EYS: variants seen among roughly 807,000 people sequenced by gnomAD.
EYS encodes the protein protein eyes shut homolog.
Under a neutral mutation model 282.1 loss-of-function variants are expected in EYS, and 250 were observed. The observed-to-expected ratio is 0.89, with a 90% CI of 0.80 to 0.98. The LOEUF is 0.98. Among genes scored for constraint, EYS ranks in the 50% least tolerant of loss-of-function variants. The probability of loss-of-function intolerance (pLI) is 0.00; values close to 1 mark genes in which losing one functional copy is unlikely to be tolerated. For synonymous variants in EYS, 1,355 were observed against 1,282.9 expected, an observed-to-expected ratio of 1.06 and a Z score of -1.20; for missense variants, 4,016 against 3,709.0, an observed-to-expected ratio of 1.08 and a Z score of -2.15.
chr6:64,354,157 G>C (rs1224911688), intron 29 of EYS, among the ~76,000 whole-genome samples: 1 of 151,572 alleles, frequency 6.6e-6, no homozygotes, highest in Non-Finnish European at 1.5e-5. Context: ...TAGAGTATTA[G>C]ATATCACAAT....
chr6:64,391,392 T>A (rs1422474493), intron 28 of EYS, among the ~76,000 whole-genome samples: 1 of 152,040 alleles, frequency 6.6e-6, no homozygotes, highest in Non-Finnish European at 1.5e-5. Context: ...CGGATTACCC[T>A]CCAAGGGAAG....
intron 41 of EYS, among the ~76,000 whole-genome samples, chr6:63,732,741 A>G (rs1489627318): frequency 6.6e-6 from 1 of 152,192 alleles, no homozygotes; most frequent in East Asian, 1.9e-4. Context: ...ACCATAGGCA[A>G]AGGTTTGTGC....
At chr6:65,032,478 G>T (rs10944777) in intron 13 of EYS, among the ~76,000 whole-genome samples, 51,247 of 151,894 alleles carry the variant, frequency 0.34, 10,608 homozygotes, top group Admixed American at 0.46. Flanking sequence ...TATGTGATCT[G>T]GTCATTTAAA....
At chr6:64,182,843 A>G (rs994776692) in intron 31 of EYS, among the ~76,000 whole-genome samples, 28 of 151,806 alleles carry the variant, frequency 1.8e-4, no homozygotes, top group African/African-American at 6.5e-4. Flanking sequence ...CCTGCCTTCC[A>G]CCCTACTCCT....
chr6:64,965,005 C>T (rs1010772926), intron 14 of EYS, among the ~76,000 whole-genome samples: 1 of 152,028 alleles, frequency 6.6e-6, no homozygotes, highest in Non-Finnish European at 1.5e-5. Flanking sequence ...TGCACTCCTG[C>T]TGGATGACAG....
At chr6:64,716,450 C>A (rs1250661929) in intron 22 of EYS, among the ~76,000 whole-genome samples, 1 of 152,196 alleles carries the variant, frequency 6.6e-6, no homozygotes, top group Non-Finnish European at 1.5e-5. Context: ...TTGGTACACT[C>A]CTCAACCTGG....
rs1768126076 is a variant in EYS, at chr6:64,915,340, A to C, written c.2382-2597T>G. ...TAAACTTCTGGTTCCTGAATGTCTAAGAATGATCTGAATCTCCACATTATC... is the reference window on the plus strand; with the variant it reads ...TAAACTTCTGGTTCCTGAATGTCTACGAATGATCTGAATCTCCACATTATC... On this transcript the variant is annotated intron_variant, in intron 15 of 42. Transcript: ENST00000503581. 2.0e-5 allele frequency among the ~76,000 whole-genome samples: 3 copies of C among 152,162 alleles called. No individual in the cohort carries two copies. In the East Asian group the frequency reaches 5.8e-4, roughly 29 times the overall value.
chr6:65,611,129 C>A (rs890463149), intron 2 of EYS, among the ~76,000 whole-genome samples: 9 of 151,328 alleles, frequency 5.9e-5, no homozygotes, highest in East Asian at 3.9e-4. Flanking sequence ...CCACACTTTT[C>A]TCTTTTATTT....
At chr6:65,598,890 A>G (rs568849927) in intron 2 of EYS, among the ~76,000 whole-genome samples, 5 of 152,248 alleles carry the variant, frequency 3.3e-5, no homozygotes, top group African/African-American at 1.2e-4. Flanking sequence ...GGGAGTAGTA[A>G]TAGTATGAGT....
chr6:64,804,646 C>G (rs1467106211), intron 22 of EYS, among the ~76,000 whole-genome samples: 1 of 151,940 alleles, frequency 6.6e-6, no homozygotes, highest in Non-Finnish European at 1.5e-5. Flanking sequence ...GCCTCTTTGG[C>G]TTTTGGAATC....
chr6:65,265,874 G>C (rs1284991200), intron 12 of EYS, among the ~76,000 whole-genome samples: 2 of 151,824 alleles, frequency 1.3e-5, no homozygotes, highest in Non-Finnish European at 2.9e-5. Flanking sequence ...GAAGGTAACA[G>C]CACTCACCTT....
chr6:65,606,532 G>T (rs182314073), intron 2 of EYS, among the ~76,000 whole-genome samples: 1 of 151,568 alleles, frequency 6.6e-6, no homozygotes, highest in African/African-American at 2.4e-5. Flanking sequence ...TTTGAATGTC[G>T]CACCATTCTG....
At chr6:64,925,242 C>T (rs919996799) in intron 15 of EYS, among the ~76,000 whole-genome samples, 2 of 152,166 alleles carry the variant, frequency 1.3e-5, no homozygotes, top group Non-Finnish European at 2.9e-5. Flanking sequence ...GAGACTTAAT[C>T]ACTATCACAA....
chr6:63,980,111 C>T (rs1767019366), intron 35 of EYS, among the ~76,000 whole-genome samples: 1 of 151,826 alleles, frequency 6.6e-6, no homozygotes, highest in South Asian at 2.1e-4. Flanking sequence ...TAAGGTCTAA[C>T]TCTGTGGCAC....
chr6:64,038,845 C>T (rs903347657), intron 33 of EYS, among the ~76,000 whole-genome samples: 1 of 151,496 alleles, frequency 6.6e-6, no homozygotes, highest in Non-Finnish European at 1.5e-5. Context: ...CGCTCTGTAG[C>T]CCGGGCTGGA....
At chr6:63,798,977 GTATATGTGTGTATATATATA>G (rs1562031484) in intron 37 of EYS, among the ~76,000 whole-genome samples, 3 of 75,728 alleles carry the variant, frequency 4.0e-5, no homozygotes, top group African/African-American at 1.7e-4. Flanking sequence ...ATATATATAT[GTATATGTGTGTATATATATA>G]TATATATATA....
chr6:64,495,862 A>G (rs1005825244), intron 26 of EYS, among the ~76,000 whole-genome samples: 7 of 151,908 alleles, frequency 4.6e-5, no homozygotes, highest in African/African-American at 1.4e-4. Flanking sequence ...AAGATTTAAT[A>G]ATATATTTTC....
At chr6:65,580,138 A>G (rs1478708281) in intron 2 of EYS, among the ~76,000 whole-genome samples, 4 of 152,132 alleles carry the variant, frequency 2.6e-5, no homozygotes, top group Non-Finnish European at 4.4e-5. Context: ...TCACAGAAAA[A>G]TATCTGTATC....
At chr6:65,624,734 T>G (rs1201063340) in intron 2 of EYS, among the ~76,000 whole-genome samples, 1 of 152,184 alleles carries the variant, frequency 6.6e-6, no homozygotes, top group Non-Finnish European at 1.5e-5. Flanking sequence ...TGGTTCCTGC[T>G]CTTGAACACC....
Sources: gnomAD v4.1 joint callset for allele counts (sites outside exome capture counted in the v4.1 genomes callset) on GRCh38, gnomAD v4.1.1 for gene constraint, MANE v1.5 for transcripts, NCBI Gene and HGNC (gene_info 2026-07-23, HGNC 2026-07-21) for gene names.